Variants in ARHGAP31 observed in about 807,000 individuals in gnomAD.
The protein encoded by ARHGAP31 is rho GTPase-activating protein 31.
ARHGAP31 carries 34 observed loss-of-function variants against 113.9 expected under a neutral mutation model. That is an observed-to-expected ratio of 0.30 (90% CI 0.23 to 0.40). The LOEUF (loss-of-function observed/expected upper bound fraction) is 0.40, where lower values mean the gene tolerates loss of function less well. Ranked by LOEUF, ARHGAP31 falls within the 10% of genes least tolerant of loss-of-function variation. The pLI is 1.00. For synonymous variants in ARHGAP31, 650 were observed against 684.8 expected (o/e 0.95, Z 0.79); for missense variants, 1,548 against 1,767.1 (o/e 0.88, Z 2.22).
intron 7 of ARHGAP31, among the ~76,000 whole-genome samples, chr3:119,392,341 G>A (rs1050575918): frequency 2.0e-5 from 3 of 152,176 alleles, no homozygotes; most frequent in East Asian, 1.9e-4. Context: ...CCAGCTACTC[G>A]GGAGGCCGAG....
At chr3:119,330,769 C>A (rs2079885168) in intron 1 of ARHGAP31, among the ~76,000 whole-genome samples, 2 of 152,194 alleles carry the variant, frequency 1.3e-5, no homozygotes, top group Admixed American at 6.5e-5. Flanking sequence ...TTTACCCACA[C>A]CACTTAGGAG....
chr3:119,318,956 C>CA (rs979461278), intron 1 of ARHGAP31, among the ~76,000 whole-genome samples: 1 of 150,770 alleles, frequency 6.6e-6, no homozygotes, highest in Non-Finnish European at 1.5e-5. Context: ...CAGATTGCTC[C>CA]AAAAAAACAA....
rs2080808034 is a variant in ARHGAP31, at chr3:119,419,886, T to C, written c.*3622T>C. The stretch of plus-strand genomic sequence containing the variant: ...TGTGGTCATAATTGGTTTGGTGAAG[T>C]GTGAGATCTCTGCAAATGAGCCAGG... On this transcript the variant is annotated 3_prime_UTR_variant, in exon 12 of 12. Transcript: ENST00000264245. 1 of 152,188 alleles carries C rather than the reference T, an allele frequency of 6.6e-6. No individual in the cohort carries two copies. The highest frequency in any genetic ancestry group is 1.5e-5 in the Non-Finnish European group (1 of 68,028). 9.4% of individuals were successfully genotyped at this position (152,188 alleles called of 1,614,324 possible).
chr3:119,395,256 T>C (rs930201969), intron 8 of ARHGAP31, among the ~76,000 whole-genome samples: 5 of 151,974 alleles, frequency 3.3e-5, no homozygotes, highest in African/African-American at 1.2e-4. Context: ...CCTGTTAGAG[T>C]AAGGAGGGGT....
chr3:119,379,204 G>T (rs1047991641), intron 3 of ARHGAP31, among the ~76,000 whole-genome samples: 5 of 152,218 alleles, frequency 3.3e-5, no homozygotes, highest in Admixed American at 3.3e-4. Flanking sequence ...AGCACTCACA[G>T]AGCTTATGTT....
chr3:119,406,430 A>G (rs1411721122), intron 10 of ARHGAP31, among the ~76,000 whole-genome samples: 1 of 152,242 alleles, frequency 6.6e-6, no homozygotes, highest in Non-Finnish European at 1.5e-5. Context: ...TGGTTGCATA[A>G]ATACAAAATG....
At chr3:119,311,228 T>G (rs1335220518) in intron 1 of ARHGAP31, among the ~76,000 whole-genome samples, 1 of 152,218 alleles carries the variant, frequency 6.6e-6, no homozygotes, top group African/African-American at 2.4e-5. Context: ...CCTTGAAGAC[T>G]GGCACCCATC....
chr3:119,326,036 C>A (rs909324930), intron 1 of ARHGAP31, among the ~76,000 whole-genome samples: 1 of 151,986 alleles, frequency 6.6e-6, no homozygotes, highest in African/African-American at 2.4e-5. Context: ...ACTAAAAATG[C>A]AAAACATTAG....
At position 119,309,218 on chromosome 3, in the gene ARHGAP31, C is replaced by T. The variant is rs373363687; in HGVS notation, c.100+14214C>T. On this transcript the variant is annotated intron_variant, in intron 1 of 11. Transcript: ENST00000264245. ...GATTGCTTGAAACAAAATGGACAAA[C>T]GGAAAGCCCTGTATGTGAGGGTTTG... is the stretch of plus-strand genomic sequence containing the variant. Among the ~76,000 whole-genome samples, 39 of 152,270 alleles carry T rather than the reference C, an allele frequency of 2.6e-4. No homozygotes were observed. The South Asian group carries it at 3.1e-3, about 12-fold the overall frequency.
chr3:119,361,832 C>T (rs531220426), intron 1 of ARHGAP31, among the ~76,000 whole-genome samples: 27 of 152,282 alleles, frequency 1.8e-4, no homozygotes, highest in African/African-American at 6.3e-4. Context: ...TGAGTAACAA[C>T]GATGGAGAAT....
At chr3:119,327,967 A>G (rs1193639709) in intron 1 of ARHGAP31, among the ~76,000 whole-genome samples, 1 of 152,230 alleles carries the variant, frequency 6.6e-6, no homozygotes, top group Non-Finnish European at 1.5e-5. Context: ...TTAAAGCACT[A>G]TTTGGTCATT....
chr3:119,331,548 C>T (rs761655671), intron 1 of ARHGAP31, among the ~76,000 whole-genome samples: 5 of 152,074 alleles, frequency 3.3e-5, no homozygotes, highest in Admixed American at 6.5e-5. Context: ...TACCTGCAAA[C>T]GCTCATGAAT....
At chr3:119,376,573 G>A (rs2080350689) in intron 3 of ARHGAP31, among the ~76,000 whole-genome samples, 1 of 152,082 alleles carries the variant, frequency 6.6e-6, no homozygotes, top group African/African-American at 2.4e-5. Context: ...TTGGCACCCT[G>A]TTTTCCCGGA....
intron 3 of ARHGAP31, among the ~76,000 whole-genome samples, chr3:119,370,243 A>G (rs1184788295): frequency 6.6e-6 from 1 of 152,228 alleles, no homozygotes; most frequent in Non-Finnish European, 1.5e-5. Flanking sequence ...CACTTTCACC[A>G]TATGTAAGTA....
intron 1 of ARHGAP31, among the ~76,000 whole-genome samples, chr3:119,323,271 GCCCAGAAGCGGGGAAAC>G (rs1042403550): frequency 1.3e-5 from 2 of 152,088 alleles, no homozygotes; most frequent in African/African-American, 4.8e-5. Flanking sequence ...AGCGGGGAAA[GCCCAGAAGCGGGGAAAC>G]CCCAGGGACA....
At chr3:119,327,494 G>A (rs972372085) in intron 1 of ARHGAP31, among the ~76,000 whole-genome samples, 5 of 152,000 alleles carry the variant, frequency 3.3e-5, no homozygotes, top group Admixed American at 6.5e-5. Context: ...GCAGTGAGCC[G>A]AGATCATGCC....
chr3:119,297,099 G>A (rs2079539480), intron 1 of ARHGAP31, among the ~76,000 whole-genome samples: 1 of 152,204 alleles, frequency 6.6e-6, no homozygotes, highest in African/African-American at 2.4e-5. Flanking sequence ...CTGTTATTGT[G>A]CTACACGGAA....
chr3:119,337,428 C>T (rs764622094), intron 1 of ARHGAP31, among the ~76,000 whole-genome samples: 1 of 151,834 alleles, frequency 6.6e-6, no homozygotes, highest in Non-Finnish European at 1.5e-5. Flanking sequence ...CTCATAAAGG[C>T]AGCACAGACC....
chr3:119,297,452 G>C (rs2079542737), intron 1 of ARHGAP31, among the ~76,000 whole-genome samples: 1 of 152,302 alleles, frequency 6.6e-6, no homozygotes, highest in South Asian at 2.1e-4. Flanking sequence ...AGGGCTCCCT[G>C]GACTGACATC....
Sources: gnomAD v4.1 joint callset for allele counts (sites outside exome capture counted in the v4.1 genomes callset) on GRCh38, gnomAD v4.1.1 for gene constraint, MANE v1.5 for transcripts, NCBI Gene and HGNC (gene_info 2026-07-23, HGNC 2026-07-21) for gene names.